The following SYTL2 variants were observed in gnomAD, a reference collection of about 807,000 sequenced individuals.
SYTL2 encodes synaptotagmin like 2.
SYTL2 carries 165 observed loss-of-function variants against 198.7 expected under a neutral mutation model. The observed-to-expected ratio is 0.83, with a 90% CI of 0.73 to 0.94. The LOEUF is 0.94. Among genes scored for constraint, SYTL2 ranks in the 40% least tolerant of loss-of-function variants. The pLI, the probability that SYTL2 is intolerant of heterozygous loss-of-function variation, is 0.00. For synonymous variants in SYTL2, 966 were observed against 917.7 expected (o/e 1.05, Z -0.95); for missense variants, 2,835 against 2,582.8 (o/e 1.10, Z -2.12).
At chr11:85,820,351 C>T in the SYTL2 span, among the ~76,000 whole-genome samples, 2 of 152,146 alleles carry the variant, frequency 1.3e-5, no homozygotes, top group Non-Finnish European at 2.9e-5. Context: ...TGAGAAGGAG[C>T]ACATGGGTTT....
At chr11:85,790,075 A>G (rs1468366272) in intron 1 of SYTL2, among the ~76,000 whole-genome samples, 1 of 152,118 alleles carries the variant, frequency 6.6e-6, no homozygotes, top group African/African-American at 2.4e-5. Flanking sequence ...TTTGTCTCAT[A>G]TACACCTTAT....
Position 85,757,714 on chromosome 11 carries a change from T to C in SYTL2, c.12A>G (p.Leu4=). The change falls in exon 2 of 20, where the codon TTA becomes TTG. Residue 4 remains leucine (L), a synonymous_variant. Transcript: ENST00000359152. ...CTTGTTCCTCTTCAGTCAGGAAGCT[T>C]AAGTCAATCATTTTGAAAAGTGCAT... is the stretch of plus-strand genomic sequence containing the variant. MID[L]SFLTEEEQEA... The C allele has an allele frequency of 6.2e-7, 1 of 1,612,862 alleles. No individual in the cohort carries two copies. The highest frequency in any genetic ancestry group is 1.7e-5 in the Admixed American group (1 of 60,008).
Position 85,724,866 on chromosome 11 carries a change from T to C in SYTL2, c.4492A>G (p.Ser1498Gly), listed in dbSNP as rs748553804. The change falls in exon 8 of 20, where the codon AGT becomes GGT. Residue 1498 changes from serine (S) to glycine (G), a missense_variant. By Grantham distance (56) the Ser-to-Gly change is moderately conservative. Transcript: ENST00000359152. ...VQPKSEFLEF[S>G]AGLEKLLKEE... The stretch of plus-strand genomic sequence containing the variant: ...TTCAGTAGTTTTTCTAAGCCAGCAC[T>C]GAATTCGAGGAACTCTGATTTGGGT... 1.4e-5 allele frequency: 22 copies of C among 1,614,016 alleles called. 1 individual carries two copies. The South Asian group carries it at 1.9e-4, about 14-fold the overall frequency.
In SYTL2 at chr11:85,802,610, A is replaced by G. The variant is rs2092906866; in HGVS notation, c.-390+8344T>C. Among the ~76,000 whole-genome samples the G allele has an allele frequency of 2.6e-5, 4 of 152,210 alleles. No individual in the cohort carries two copies. The South Asian group carries it at 8.3e-4, about 32-fold the overall frequency. ...CTACTTCACCATTGTCACCTTCAAT[A>G]GCCAAGAGGAAGGGAAGGAAAGAGA... is the stretch of plus-strand genomic sequence containing the variant. On this transcript the variant is annotated intron_variant, in intron 1 of 19. Transcript: ENST00000359152.
At chr11:85,816,248 A>G in the SYTL2 span, among the ~76,000 whole-genome samples, 80 of 152,332 alleles carry the variant, frequency 5.3e-4, no homozygotes, top group African/African-American at 1.2e-3. Context: ...TGTATGTGTC[A>G]TCATCATTAG....
At chr11:85,737,715 A>G in intron 4 of SYTL2, 59 bp from the exon 5 acceptor site, 1 of 1,434,610 alleles carries the variant, frequency 7.0e-7, no homozygotes. Flanking sequence ...ATCATAAATT[A>G]TGCCTCTGAA....
intron 7 of SYTL2, among the ~76,000 whole-genome samples, chr11:85,728,957 G>A (rs567127041): frequency 1.3e-5 from 2 of 152,144 alleles, no homozygotes; most frequent in East Asian, 1.9e-4. Context: ...TTTAAGAACC[G>A]TGTTTTCAAT....
chr11:85,770,921 C>T lies in SYTL2; in HGVS notation c.-389-12807G>A, dbSNP rs1019276480. Among the ~76,000 whole-genome samples, 17 of 152,322 alleles carry T rather than the reference C, an allele frequency of 1.1e-4. 2 individuals carry two copies. Among genetic ancestry groups the T allele is most frequent in the Admixed American group, 3.3e-4 (5 of 15,304 alleles). On this transcript the variant is annotated intron_variant, in intron 1 of 19. Transcript: ENST00000359152. ...TCAGATAGACCCGAATATAATGTGG[C>T]CCTATTATACAAGTTACTTAGCTTC...
intron 1 of SYTL2, among the ~76,000 whole-genome samples, chr11:85,759,283 C>T (rs2092020527): frequency 6.7e-6 from 1 of 150,366 alleles, no homozygotes; most frequent in South Asian, 2.1e-4. Context: ...AATTTTAAAG[C>T]AGCCCCACTT....
chr11:85,752,815 G>C (rs894583715), intron 2 of SYTL2, among the ~76,000 whole-genome samples: 4 of 145,288 alleles, frequency 2.8e-5, no homozygotes, highest in African/African-American at 7.6e-5. Context: ...GAAGATCCAT[G>C]TACAGTCCCT....
At chr11:85,789,709 T>C (rs540049819) in intron 1 of SYTL2, among the ~76,000 whole-genome samples, 1 of 152,174 alleles carries the variant, frequency 6.6e-6, no homozygotes, top group Non-Finnish European at 1.5e-5. Flanking sequence ...ATTATTCCTA[T>C]TCTATTGATG....
intron 3 of SYTL2, among the ~76,000 whole-genome samples, chr11:85,746,807 T>C (rs1056786203): frequency 1.6e-4 from 25 of 152,204 alleles, no homozygotes; most frequent in African/African-American, 5.8e-4. Flanking sequence ...TACTAAGCAG[T>C]CAGTCCTTTT....
chr11:85,752,819 A>G lies in SYTL2; in HGVS notation c.102-4396T>C, dbSNP rs1376438827. On this transcript the variant is annotated intron_variant, in intron 2 of 19. Transcript: ENST00000359152. ...AAAATCTATGTGAAGATCCATGTAC[A>G]GTCCCTTGACAAATGTTAGTTCCTT... 2.0e-5 allele frequency among the ~76,000 whole-genome samples: 3 copies of G among 149,298 alleles called. No individual in the cohort carries two copies. In the East Asian group the frequency reaches 6.0e-4, roughly 30 times the overall value.
intron 1 of SYTL2, among the ~76,000 whole-genome samples, chr11:85,792,790 C>G (rs1013001189): frequency 8.6e-5 from 13 of 151,514 alleles, no homozygotes; most frequent in Non-Finnish European, 1.6e-4. Context: ...CCCCACACCC[C>G]ACAACAGTCC....
intron 14 of SYTL2, 39 bp downstream of exon 14, chr11:85,709,289 TGGA>T: frequency 6.3e-7 from 1 of 1,589,170 alleles, no homozygotes; most frequent in Non-Finnish European, 8.6e-7. Context: ...GATTGACAGT[TGGA>T]GAACTAAGAG....
At chr11:85,805,120 G>A (rs1203444306) in intron 1 of SYTL2, among the ~76,000 whole-genome samples, 1 of 152,096 alleles carries the variant, frequency 6.6e-6, no homozygotes, top group African/African-American at 2.4e-5. Context: ...TGCAGTCTTG[G>A]GGATAGCAAA....
chr11:85,696,106 A>G, intron 19 of SYTL2, 77 bp downstream of exon 19: 1 of 1,205,582 alleles, frequency 8.3e-7, no homozygotes, highest in Non-Finnish European at 1.2e-6. Context: ...ACTGGGAAGA[A>G]GCAAAGCAAC....
intron 1 of SYTL2, among the ~76,000 whole-genome samples, chr11:85,785,043 G>A (rs1220502644): frequency 2.0e-5 from 3 of 152,006 alleles, no homozygotes; most frequent in Non-Finnish European, 2.9e-5. Flanking sequence ...AGGCTTCAAG[G>A]TAGAGAGGGA....
the SYTL2 span, among the ~76,000 whole-genome samples, chr11:85,817,897 C>CTTTTTTTTTTTTTTTTTTTTTTTTT: frequency 3.3e-5 from 4 of 119,872 alleles, 1 homozygote; most frequent in African/African-American, 6.7e-5. Context: ...ACCTTTGTGT[C>CTTTTTTTTTTTTTTTTTTTTTTTTT]TTTTCTTTTT....
Sources: allele counts gnomAD v4.1 joint callset (sites outside exome capture counted in the v4.1 genomes callset), GRCh38; gene constraint gnomAD v4.1.1; transcripts MANE v1.5; gene names NCBI Gene and HGNC (gene_info 2026-07-23, HGNC 2026-07-21).